The following AKAP19 variants were observed in gnomAD, a reference collection of about 807,000 sequenced individuals.
The protein encoded by AKAP19 is A-kinase anchoring protein 19, also known as small A-kinase anchoring protein.
At chr2:190,109,184 A>G in the AKAP19 span, among the ~76,000 whole-genome samples, 1 of 152,208 alleles carries the variant, frequency 6.6e-6, no homozygotes, top group Non-Finnish European at 1.5e-5. Context: ...AAGAGTTAGA[A>G]TTATAGGTCA....
chr2:190,122,315 A>C, the AKAP19 span, among the ~76,000 whole-genome samples: 1 of 152,226 alleles, frequency 6.6e-6, no homozygotes, highest in East Asian at 1.9e-4. Flanking sequence ...AGGGCTAAAA[A>C]TGGGGAAAGA....
chr2:190,195,771 CAAT>C, the AKAP19 span, among the ~76,000 whole-genome samples: 1 of 152,150 alleles, frequency 6.6e-6, no homozygotes, highest in Non-Finnish European at 1.5e-5. Flanking sequence ...TCCAACTTAT[CAAT>C]TATTTCTTTA....
the AKAP19 span, among the ~76,000 whole-genome samples, chr2:190,129,226 A>G: frequency 1.3e-5 from 2 of 152,132 alleles, no homozygotes; most frequent in Non-Finnish European, 2.9e-5. Context: ...GGATGTCTGG[A>G]TTATGTCTAA....
chr2:190,160,477 C>A, the AKAP19 span, among the ~76,000 whole-genome samples: 1 of 152,058 alleles, frequency 6.6e-6, no homozygotes, highest in Non-Finnish European at 1.5e-5. Context: ...CTTATCTGTG[C>A]TAAAAGGGTA....
At chr2:190,191,846 A>G in the AKAP19 span, among the ~76,000 whole-genome samples, 1 of 151,962 alleles carries the variant, frequency 6.6e-6, no homozygotes, top group Non-Finnish European at 1.5e-5. Context: ...ATACTTATAT[A>G]TTCTGGATTC....
At chr2:190,157,875 A>C in the AKAP19 span, among the ~76,000 whole-genome samples, 1 of 152,324 alleles carries the variant, frequency 6.6e-6, no homozygotes, top group South Asian at 2.1e-4. Flanking sequence ...AGACCCTCTC[A>C]TATTGTTTTA....
At chr2:190,066,357 T>C in the AKAP19 span, among the ~76,000 whole-genome samples, 3 of 152,092 alleles carry the variant, frequency 2.0e-5, no homozygotes, top group Non-Finnish European at 4.4e-5. Flanking sequence ...ATCTACTGAG[T>C]GTACTAATGT....
the AKAP19 span, among the ~76,000 whole-genome samples, chr2:190,011,051 T>TC: frequency 2.4e-3 from 10 of 4,084 alleles, no homozygotes; most frequent in African/African-American, 3.0e-3. Flanking sequence ...TCTCTCTCTC[T>TC]TTTTTTTTTT....
the AKAP19 span, chr2:190,062,434 C>T: frequency 6.9e-3 from 11,118 of 1,613,374 alleles, 660 homozygotes; most frequent in African/African-American, 0.13. Context: ...ATCTTAATGG[C>T]TTCTATTCTT....
the AKAP19 span, among the ~76,000 whole-genome samples, chr2:189,963,848 C>G: frequency 2.6e-5 from 4 of 151,726 alleles, no homozygotes; most frequent in Non-Finnish European, 4.4e-5. Flanking sequence ...ACTGCAGCCT[C>G]GACCTCCCAG....
the AKAP19 span, among the ~76,000 whole-genome samples, chr2:189,969,958 A>G: frequency 6.8e-6 from 1 of 146,180 alleles, no homozygotes; most frequent in Non-Finnish European, 1.5e-5. Context: ...CTGCAGCCTC[A>G]ATCTCCCAGG....
At chr2:189,951,735 C>G in the AKAP19 span, among the ~76,000 whole-genome samples, 1 of 152,204 alleles carries the variant, frequency 6.6e-6, no homozygotes, top group Non-Finnish European at 1.5e-5. Flanking sequence ...TTTAGAATAG[C>G]ATTTGCTGAA....
chr2:190,017,485 A>G, the AKAP19 span, among the ~76,000 whole-genome samples: 1 of 152,168 alleles, frequency 6.6e-6, no homozygotes, highest in African/African-American at 2.4e-5. Context: ...TTGTATACAT[A>G]TAACAGGCTA....
chr2:189,970,412 T>C, the AKAP19 span, among the ~76,000 whole-genome samples: 2 of 152,200 alleles, frequency 1.3e-5, no homozygotes, highest in Non-Finnish European at 2.9e-5. Context: ...TAGAATACTT[T>C]TATTAGTTAT....
At chr2:190,076,906 A>C in the AKAP19 span, among the ~76,000 whole-genome samples, 1 of 152,186 alleles carries the variant, frequency 6.6e-6, no homozygotes, top group South Asian at 2.1e-4. Context: ...ACATACATTA[A>C]TTAGACAACT....
chr2:190,140,980 C>A, the AKAP19 span, among the ~76,000 whole-genome samples: 1 of 152,176 alleles, frequency 6.6e-6, no homozygotes, highest in African/African-American at 2.4e-5. Flanking sequence ...GTTCAAAGTT[C>A]TGCAGATCTC....
chr2:189,982,004 A>G, the AKAP19 span, among the ~76,000 whole-genome samples: 1 of 151,584 alleles, frequency 6.6e-6, no homozygotes, highest in Non-Finnish European at 1.5e-5. Context: ...CTTGCATGGC[A>G]TCTTGCAGGT....
the AKAP19 span, among the ~76,000 whole-genome samples, chr2:190,061,001 C>CA: frequency 2.0e-5 from 3 of 151,966 alleles, no homozygotes; most frequent in Non-Finnish European, 2.9e-5. Flanking sequence ...ATAATTAACA[C>CA]AAAAATTTTG....
At chr2:190,182,785 A>G in the AKAP19 span, among the ~76,000 whole-genome samples, 1 of 151,896 alleles carries the variant, frequency 6.6e-6, no homozygotes, top group Non-Finnish European at 1.5e-5. Flanking sequence ...TCACCTCCAT[A>G]CCCCGTGTGC....
Sources: allele counts gnomAD v4.1 joint callset (sites outside exome capture counted in the v4.1 genomes callset), GRCh38; gene constraint gnomAD v4.1.1; transcripts MANE v1.5; gene names NCBI Gene and HGNC (gene_info 2026-07-23, HGNC 2026-07-21).